TTC28: variants seen among roughly 807,000 people sequenced by gnomAD.
TTC28 encodes tetratricopeptide repeat domain 28, also known as tetratricopeptide repeat protein 28.
TTC28 carries 61 observed loss-of-function variants against 198.0 expected under a neutral mutation model. That is an observed-to-expected ratio of 0.31 (90% CI 0.25 to 0.38). The LOEUF is 0.38. Ranked by LOEUF, TTC28 falls within the 10% of genes least tolerant of loss-of-function variation. The pLI is 1.00. For synonymous variants in TTC28, 1,171 were observed against 1,297.8 expected (o/e 0.90, Z 2.10); for missense variants, 2,678 against 3,164.0 (o/e 0.85, Z 3.69).
chr22:28,023,350 GA>G (rs1175855896), intron 13 of TTC28, among the ~76,000 whole-genome samples: 1 of 152,216 alleles, frequency 6.6e-6, no homozygotes, highest in East Asian at 1.9e-4. Flanking sequence ...CACCTTAAAA[GA>G]ACCTGATGCC....
intron 2 of TTC28, among the ~76,000 whole-genome samples, chr22:28,392,656 C>A (rs1177617573): frequency 6.6e-6 from 1 of 152,220 alleles, no homozygotes; most frequent in African/African-American, 2.4e-5. Context: ...AACTCCCTGA[C>A]TCCTTGCGCT....
At chr22:28,083,798 G>A (rs772436710) in intron 12 of TTC28, among the ~76,000 whole-genome samples, 19 of 152,280 alleles carry the variant, frequency 1.2e-4, no homozygotes, top group African/African-American at 2.9e-4. Context: ...CTGGAAAATC[G>A]GGTCACTCCC....
intron 2 of TTC28, among the ~76,000 whole-genome samples, chr22:28,493,699 G>A (rs1407647823): frequency 6.6e-6 from 1 of 152,150 alleles, no homozygotes; most frequent in African/African-American, 2.4e-5. Flanking sequence ...ATACTTCTGA[G>A]ACAGTGTTGT....
chr22:28,082,996 C>T (rs910047407), intron 12 of TTC28, among the ~76,000 whole-genome samples: 55 of 150,076 alleles, frequency 3.7e-4, no homozygotes, highest in African/African-American at 1.2e-3. Flanking sequence ...ATGTATTTTA[C>T]GGAAATATAT....
At chr22:28,130,890 T>G (rs1273028708) in intron 6 of TTC28, among the ~76,000 whole-genome samples, 1 of 152,222 alleles carries the variant, frequency 6.6e-6, no homozygotes. Flanking sequence ...GTTTAGATAC[T>G]TTTTTCCCAA....
chr22:28,181,758 C>T (rs957332299), intron 5 of TTC28, among the ~76,000 whole-genome samples: 7 of 152,184 alleles, frequency 4.6e-5, no homozygotes, highest in Admixed American at 6.5e-5. Flanking sequence ...ACACCTTCCA[C>T]TGTAGCCATG....
chr22:28,025,746 T>C (rs1343881354), intron 13 of TTC28, among the ~76,000 whole-genome samples: 1 of 152,210 alleles, frequency 6.6e-6, no homozygotes, highest in Non-Finnish European at 1.5e-5. Context: ...GGTGTGCACC[T>C]GTGGTCCCTG....
chr22:28,324,848 C>G (rs1290111457), intron 2 of TTC28, among the ~76,000 whole-genome samples: 6 of 152,186 alleles, frequency 3.9e-5, no homozygotes, highest in Non-Finnish European at 7.3e-5. Context: ...GATGCCCTCT[C>G]TCACCACTCC....
intron 5 of TTC28, among the ~76,000 whole-genome samples, chr22:28,271,263 A>G (rs1932052169): frequency 6.6e-6 from 1 of 152,050 alleles, no homozygotes; most frequent in East Asian, 1.9e-4. Flanking sequence ...GTTAGACTGT[A>G]TACTCTTTGA....
chr22:28,408,803 C>T (rs557457646), intron 2 of TTC28, among the ~76,000 whole-genome samples: 10 of 152,318 alleles, frequency 6.6e-5, no homozygotes, highest in South Asian at 2.1e-4. Context: ...ATGAGCTCTT[C>T]GAATGAGTCT....
chr22:28,413,004 T>C (rs2047106419), intron 2 of TTC28, among the ~76,000 whole-genome samples: 2 of 152,228 alleles, frequency 1.3e-5, no homozygotes, highest in South Asian at 2.1e-4. Flanking sequence ...TTTTTATTCA[T>C]TATTTAGCAT....
At chr22:28,394,087 T>C (rs2046776557) in intron 2 of TTC28, among the ~76,000 whole-genome samples, 1 of 152,186 alleles carries the variant, frequency 6.6e-6, no homozygotes, top group Non-Finnish European at 1.5e-5. Context: ...TTTTTTTTAC[T>C]CTTTTTTGTG....
intron 2 of TTC28, among the ~76,000 whole-genome samples, chr22:28,485,240 C>T (rs2048301359): frequency 6.6e-6 from 1 of 152,116 alleles, no homozygotes; most frequent in Non-Finnish European, 1.5e-5. Flanking sequence ...ACTGTTAAAT[C>T]AGTAATTCAC....
intron 5 of TTC28, among the ~76,000 whole-genome samples, chr22:28,181,118 C>T (rs772751133): frequency 6.6e-6 from 1 of 152,162 alleles, no homozygotes; most frequent in Non-Finnish European, 1.5e-5. Context: ...TTTTCCAATG[C>T]TGTGGGACCA....
intron 5 of TTC28, among the ~76,000 whole-genome samples, chr22:28,290,032 A>G (rs2044758539): frequency 6.6e-6 from 1 of 151,978 alleles, no homozygotes; most frequent in East Asian, 1.9e-4. Flanking sequence ...TCAAAAAAAA[A>G]ATTTTTTTTT....
At chr22:28,075,106 T>A (rs1260654391) in intron 12 of TTC28, among the ~76,000 whole-genome samples, 4 of 149,636 alleles carry the variant, frequency 2.7e-5, no homozygotes, top group Admixed American at 6.7e-5. Context: ...AATAAATAAA[T>A]AATAAAATAA....
At chr22:28,450,015 C>T (rs1347585511) in intron 2 of TTC28, among the ~76,000 whole-genome samples, 1 of 152,028 alleles carries the variant, frequency 6.6e-6, no homozygotes, top group Non-Finnish European at 1.5e-5. Flanking sequence ...CTGTTTAAGA[C>T]TTGTAGGATC....
chr22:28,476,532 T>C (rs1264045179), intron 2 of TTC28, among the ~76,000 whole-genome samples: 8 of 152,178 alleles, frequency 5.3e-5, no homozygotes, highest in Non-Finnish European at 1.2e-4. Flanking sequence ...GCCAAACTAT[T>C]CTTAAAATCA....
In TTC28 at chr22:28,153,479, C is replaced by T. The variant is rs571703713; in HGVS notation, c.1441+9613G>A. 2.6e-4 allele frequency among the ~76,000 whole-genome samples: 37 copies of T among 142,092 alleles called. No homozygotes were observed. The South Asian group carries it at 3.5e-3, about 13-fold the overall frequency. 93.2% of individuals were successfully genotyped at this position (142,092 alleles called of 152,430 possible). A position where few individuals can be genotyped will look rare whatever the true frequency, so the allele number is the denominator to read the frequency against. ...TACTTGGACCTTGATTTTTCTCATACGTAAAATCAATTAGTATTCTCAACC... is the reference window on the plus strand; with the variant it reads ...TACTTGGACCTTGATTTTTCTCATATGTAAAATCAATTAGTATTCTCAACC... On this transcript the variant is annotated intron_variant, in intron 6 of 22. Transcript: ENST00000397906.
Sources: gnomAD v4.1 joint callset for allele counts (sites outside exome capture counted in the v4.1 genomes callset) on GRCh38, gnomAD v4.1.1 for gene constraint, MANE v1.5 for transcripts, NCBI Gene and HGNC (gene_info 2026-07-23, HGNC 2026-07-21) for gene names.